GLIS3: variants seen among roughly 807,000 people sequenced by gnomAD.
GLIS3 encodes GLIS family zinc finger 3, also known as zinc finger protein GLIS3.
GLIS3 carries 53 observed loss-of-function variants against 78.6 expected under a neutral mutation model. The observed-to-expected ratio is 0.67, with a 90% CI of 0.54 to 0.85. GLIS3 has a LOEUF of 0.85. Among genes scored for constraint, GLIS3 ranks in the 40% least tolerant of loss-of-function variants. The pLI is 0.00. For missense variants in GLIS3, 1,703 were observed against 1,231.1 expected, an observed-to-expected ratio of 1.38 and a Z score of -5.74; for synonymous variants, 684 against 509.9, an observed-to-expected ratio of 1.34 and a Z score of -4.60.
At position 4,285,834 on chromosome 9, in the gene GLIS3, C is replaced by G. The variant is rs1827940860; in HGVS notation, c.388+204G>C. On this transcript the variant is annotated intron_variant, in intron 2 of 10. Transcript: ENST00000381971. ...TGTTTCACAGTCCCAGGAGATGTCT[C>G]ATACTCAGCATTTACCACTGTGGTC... The G allele has an allele frequency of 6.3e-6, 4 of 636,652 alleles. No homozygotes were observed. The Admixed American group carries it at 7.6e-5, about 12-fold the overall frequency. The allele number at this position is 636,652 out of a possible 1,614,324, so 39.4% of individuals were successfully genotyped here.
intron 2 of GLIS3, among the ~76,000 whole-genome samples, chr9:4,142,929 G>A (rs1283369930): frequency 6.6e-6 from 1 of 152,070 alleles, no homozygotes; most frequent in African/African-American, 2.4e-5. Context: ...GATCAGTGAG[G>A]AAATAAATCA....
At chr9:3,863,111 C>T (rs188643804) in intron 8 of GLIS3, among the ~76,000 whole-genome samples, 5 of 152,266 alleles carry the variant, frequency 3.3e-5, no homozygotes, top group East Asian at 1.9e-4. Context: ...AAAAAAACCC[C>T]GCAATGATAA....
intron 4 of GLIS3, among the ~76,000 whole-genome samples, chr9:4,059,041 C>A (rs1826396226): frequency 6.6e-6 from 1 of 151,808 alleles, no homozygotes; most frequent in Admixed American, 6.6e-5. Flanking sequence ...TGTCAGGCTG[C>A]TAGTTGACGA....
At chr9:4,176,290 G>A (rs1016396942) in intron 2 of GLIS3, among the ~76,000 whole-genome samples, 2 of 152,132 alleles carry the variant, frequency 1.3e-5, no homozygotes, top group Admixed American at 1.3e-4. Flanking sequence ...AAATAACAAC[G>A]ATTTGTAATG....
chr9:4,006,686 GTTTA>G (rs1245929604), intron 4 of GLIS3, among the ~76,000 whole-genome samples: 1 of 152,198 alleles, frequency 6.6e-6, no homozygotes, highest in African/African-American at 2.4e-5. Context: ...ACTTGCCTAA[GTTTA>G]TTTAACAGGA....
At chr9:3,911,889 C>A (rs1472764510) in intron 6 of GLIS3, among the ~76,000 whole-genome samples, 1 of 152,134 alleles carries the variant, frequency 6.6e-6, no homozygotes, top group Non-Finnish European at 1.5e-5. Context: ...CCGTAACATG[C>A]ACTCCTGTTT....
chr9:4,226,288 A>C, intron 2 of GLIS3, among the ~76,000 whole-genome samples: 1 of 152,218 alleles, frequency 6.6e-6, no homozygotes. Flanking sequence ...TATAGCCTGC[A>C]TTCTTCCCAA....
the GLIS3 span, among the ~76,000 whole-genome samples, chr9:4,354,223 G>A: frequency 6.6e-6 from 1 of 152,106 alleles, no homozygotes; most frequent in Non-Finnish European, 1.5e-5. Context: ...GCAGGCAAAG[G>A]CACATGAAAT....
chr9:4,047,341 G>C (rs553212392), intron 4 of GLIS3, among the ~76,000 whole-genome samples: 6 of 152,252 alleles, frequency 3.9e-5, no homozygotes, highest in African/African-American at 1.2e-4. Flanking sequence ...CCAGTCTCAG[G>C]TAGTATCTTG....
At chr9:3,845,751 C>CCA (rs145728680) in intron 9 of GLIS3, among the ~76,000 whole-genome samples, 5 of 151,078 alleles carry the variant, frequency 3.3e-5, no homozygotes, top group South Asian at 2.1e-4. Context: ...ACACACACAC[C>CCA]CACACACACA....
At chr9:4,135,780 T>G (rs917037081) in intron 2 of GLIS3, among the ~76,000 whole-genome samples, 10 of 152,114 alleles carry the variant, frequency 6.6e-5, no homozygotes, top group Admixed American at 3.9e-4. Context: ...TACCCTTCTC[T>G]CCCATCTGCT....
At chr9:4,015,056 A>G (rs1439707522) in intron 4 of GLIS3, among the ~76,000 whole-genome samples, 2 of 152,266 alleles carry the variant, frequency 1.3e-5, no homozygotes, top group Non-Finnish European at 2.9e-5. Flanking sequence ...AACTGCTAGT[A>G]AAGTGAAAGC....
At chr9:4,400,037 C>A in the GLIS3 span, among the ~76,000 whole-genome samples, 2 of 152,154 alleles carry the variant, frequency 1.3e-5, no homozygotes, top group Non-Finnish European at 2.9e-5. Context: ...ACAGGGCAAG[C>A]AGGATTCAGA....
the GLIS3 span, among the ~76,000 whole-genome samples, chr9:4,355,085 C>T: frequency 1.3e-5 from 2 of 148,770 alleles, no homozygotes; most frequent in Admixed American, 1.3e-4. Flanking sequence ...GAGCCGAGAT[C>T]ACACCACTGC....
Position 4,294,789 on chromosome 9 carries a change from C to G in GLIS3, c.-99+4632G>C, listed in dbSNP as rs533330358. On this transcript the variant is annotated intron_variant, in intron 1 of 10. Coordinates refer to ENST00000381971, the MANE Select transcript of GLIS3 (RefSeq NM_001042413.2). ...GTTTTACACCTATATATATTTTTCA[C>G]AGTACATTTATCATATAGTTATGCT... Among the ~76,000 whole-genome samples the G allele has an allele frequency of 2.0e-5, 3 of 152,316 alleles. No individual in the cohort carries two copies. In the South Asian group the frequency reaches 6.2e-4, roughly 32 times the overall value.
intron 2 of GLIS3, among the ~76,000 whole-genome samples, chr9:4,316,641 G>C (rs1034902276): frequency 6.6e-6 from 1 of 152,192 alleles, no homozygotes; most frequent in Non-Finnish European, 1.5e-5. Flanking sequence ...CCCAGTGTGA[G>C]TAAGCGTAGG....
chr9:3,874,935 C>G (rs894436231), intron 8 of GLIS3, among the ~76,000 whole-genome samples: 2 of 152,232 alleles, frequency 1.3e-5, no homozygotes, highest in African/African-American at 4.8e-5. Flanking sequence ...ACCTGAACGA[C>G]AAAGCGCACT....
At chr9:4,289,465 A>T (rs1477593096) in intron 1 of GLIS3, among the ~76,000 whole-genome samples, 1 of 152,178 alleles carries the variant, frequency 6.6e-6, no homozygotes, top group Non-Finnish European at 1.5e-5. Flanking sequence ...GGCAATACTA[A>T]CCATGAACAA....
chr9:4,485,017 G>C, the GLIS3 span, among the ~76,000 whole-genome samples: 1 of 149,412 alleles, frequency 6.7e-6, no homozygotes. Flanking sequence ...TTTTTGGGGG[G>C]GTGGGGGTGG....
Sources: gnomAD v4.1 joint callset for allele counts (sites outside exome capture counted in the v4.1 genomes callset) on GRCh38, gnomAD v4.1.1 for gene constraint, MANE v1.5 for transcripts, NCBI Gene and HGNC (gene_info 2026-07-23, HGNC 2026-07-21) for gene names.